FYN: variants seen among roughly 807,000 people sequenced by gnomAD.
FYN encodes the protein FYN proto-oncogene, Src family tyrosine kinase.
Under a neutral mutation model 70.2 loss-of-function variants are expected in FYN, and 10 were observed. The ratio of observed to expected loss-of-function variants is 0.14; its 90% CI spans 0.09 to 0.24. FYN has a LOEUF of 0.24. Among genes scored for constraint, FYN ranks in the 10% least tolerant of loss-of-function variants. The pLI, the probability that FYN is intolerant of heterozygous loss-of-function variation, is 1.00. For missense variants in FYN, 319 were observed against 673.1 expected (o/e 0.47, Z 5.82); for synonymous variants, 236 against 248.6 (o/e 0.95, Z 0.48).
chr6:111,864,026 T>C (rs1774036576), intron 1 of FYN, among the ~76,000 whole-genome samples: 1 of 152,204 alleles, frequency 6.6e-6, no homozygotes, highest in Non-Finnish European at 1.5e-5. Context: ...CCATACCCAC[T>C]GAATCCAAAT....
At chr6:111,740,198 G>A (rs978334722) in intron 3 of FYN, among the ~76,000 whole-genome samples, 1 of 152,150 alleles carries the variant, frequency 6.6e-6, no homozygotes, top group African/African-American at 2.4e-5. Context: ...TAATAGACTC[G>A]AGAAAAAGTC....
At chr6:111,709,357 T>G (rs767473005) in intron 5 of FYN, among the ~76,000 whole-genome samples, 2 of 152,140 alleles carry the variant, frequency 1.3e-5, no homozygotes, top group Non-Finnish European at 2.9e-5. Flanking sequence ...CAGAGGCCGC[T>G]CTCTAAAGCT....
At chr6:111,736,505 T>C (rs1320793775) in intron 3 of FYN, among the ~76,000 whole-genome samples, 1 of 152,140 alleles carries the variant, frequency 6.6e-6, no homozygotes, top group Non-Finnish European at 1.5e-5. Flanking sequence ...CCGATGGAGC[T>C]GCCTTAGAAG....
At chr6:111,751,383 T>G (rs1008092991) in intron 3 of FYN, among the ~76,000 whole-genome samples, 2 of 152,188 alleles carry the variant, frequency 1.3e-5, no homozygotes, top group African/African-American at 4.8e-5. Context: ...AATGGCCATT[T>G]TGTCCTGGGG....
chr6:111,688,926 G>A (rs1378358429), intron 12 of FYN, among the ~76,000 whole-genome samples: 1 of 152,076 alleles, frequency 6.6e-6, no homozygotes, highest in East Asian at 1.9e-4. Flanking sequence ...TCCACTGACT[G>A]GCCTAGGCTA....
At chr6:111,791,116 C>T (rs1439235706) in intron 2 of FYN, among the ~76,000 whole-genome samples, 3 of 152,004 alleles carry the variant, frequency 2.0e-5, no homozygotes, top group Admixed American at 2.0e-4. Context: ...TAATCCTGAA[C>T]AAGAGGAACA....
chr6:111,830,326 G>T (rs540283764), intron 2 of FYN, among the ~76,000 whole-genome samples: 1 of 152,292 alleles, frequency 6.6e-6, no homozygotes, highest in Non-Finnish European at 1.5e-5. Flanking sequence ...ATAGTTTCTG[G>T]CAGAAATGGG....
chr6:111,788,172 C>CTA (rs1312729202), intron 2 of FYN, among the ~76,000 whole-genome samples: 1 of 152,166 alleles, frequency 6.6e-6, no homozygotes, highest in Non-Finnish European at 1.5e-5. Flanking sequence ...GTCTTACTCT[C>CTA]TATATACCTC....
chr6:111,785,854 T>C (rs547738525), intron 2 of FYN, among the ~76,000 whole-genome samples: 2 of 133,236 alleles, frequency 1.5e-5, no homozygotes, highest in East Asian at 4.9e-4. Flanking sequence ...GTGTGTGATG[T>C]TCCCCTTCCT....
At chr6:111,870,823 T>G (rs1324672444) in intron 1 of FYN, among the ~76,000 whole-genome samples, 1 of 152,188 alleles carries the variant, frequency 6.6e-6, no homozygotes, top group Non-Finnish European at 1.5e-5. Flanking sequence ...TTTGCTCACA[T>G]TCAACCTTAT....
chr6:111,735,703 G>A (rs1308515388), intron 3 of FYN, among the ~76,000 whole-genome samples: 1 of 152,186 alleles, frequency 6.6e-6, no homozygotes, highest in Non-Finnish European at 1.5e-5. Flanking sequence ...CTGCATGCAA[G>A]TGGCTGGACA....
chr6:111,708,383 T>C (rs982202983), intron 5 of FYN, among the ~76,000 whole-genome samples: 3 of 152,182 alleles, frequency 2.0e-5, no homozygotes, highest in Non-Finnish European at 2.9e-5. Context: ...TAGCTGCAGA[T>C]CATCTGGGAA....
At chr6:111,687,710 T>C (rs1443555433) in intron 12 of FYN, among the ~76,000 whole-genome samples, 1 of 152,118 alleles carries the variant, frequency 6.6e-6, no homozygotes, top group African/African-American at 2.4e-5. Context: ...AATATTACTA[T>C]TACTACTACT....
chr6:111,688,998 T>C (rs1350882721), intron 12 of FYN, among the ~76,000 whole-genome samples: 4 of 152,296 alleles, frequency 2.6e-5, no homozygotes, highest in Admixed American at 6.5e-5. Context: ...TTATTACTAA[T>C]AGTGATTCTC....
intron 2 of FYN, among the ~76,000 whole-genome samples, chr6:111,845,828 G>A (rs1010330026): frequency 4.6e-5 from 7 of 152,284 alleles, no homozygotes; most frequent in African/African-American, 1.4e-4. Flanking sequence ...TTCAGTGGGG[G>A]AACTCAAGGC....
chr6:111,772,190 GA>G (rs965405033), intron 3 of FYN, among the ~76,000 whole-genome samples: 6 of 150,976 alleles, frequency 4.0e-5, no homozygotes, highest in East Asian at 1.9e-4. Context: ...CCAAGGGCAA[GA>G]AAAAAAAATG....
At chr6:111,821,815 C>A (rs766917153) in intron 2 of FYN, among the ~76,000 whole-genome samples, 1 of 152,072 alleles carries the variant, frequency 6.6e-6, no homozygotes, top group Non-Finnish European at 1.5e-5. Flanking sequence ...AACAAGTGGG[C>A]GAAGGATATG....
chr6:111,683,786 G>T (rs1385185855), intron 12 of FYN, among the ~76,000 whole-genome samples: 6 of 151,782 alleles, frequency 4.0e-5, no homozygotes, highest in African/African-American at 1.5e-4. Flanking sequence ...GGAGGGGGAG[G>T]TGACAAGGCG....
chr6:111,686,647 G>T (rs915122715), intron 12 of FYN, among the ~76,000 whole-genome samples: 2 of 150,200 alleles, frequency 1.3e-5, no homozygotes, highest in Admixed American at 6.7e-5. Flanking sequence ...AATTAAAAAG[G>T]TTTTTTTTTT....
Sources: gnomAD v4.1 joint callset for allele counts (sites outside exome capture counted in the v4.1 genomes callset) on GRCh38, gnomAD v4.1.1 for gene constraint, MANE v1.5 for transcripts, NCBI Gene and HGNC (gene_info 2026-07-23, HGNC 2026-07-21) for gene names.